The following ACO1 variants were observed in gnomAD, a reference collection of about 807,000 sequenced individuals.
ACO1 encodes the protein aconitase 1.
A neutral mutation model predicts 105.1 loss-of-function variants in ACO1; 78 were observed. That is an observed-to-expected ratio of 0.74 (90% CI 0.62 to 0.90). The LOEUF (loss-of-function observed/expected upper bound fraction) is 0.90. Among genes scored for constraint, ACO1 ranks in the 40% least tolerant of loss-of-function variants. ACO1 has a pLI of 0.00. For missense variants in ACO1, 965 were observed against 1,111.1 expected (o/e 0.87, Z 1.87); for synonymous variants, 364 against 397.4 (o/e 0.92, Z 1.00).
At chr9:32,388,844 C>A (rs1162341435) in intron 1 of ACO1, among the ~76,000 whole-genome samples, 2 of 152,052 alleles carry the variant, frequency 1.3e-5, no homozygotes, top group African/African-American at 4.8e-5. Context: ...ACATAGTAAA[C>A]CTAAAATCCC....
chr9:32,452,386 G>A lies in ACO1; in HGVS notation c.*2275G>A, dbSNP rs540693194. The stretch of plus-strand genomic sequence containing the variant: ...GCCTTTTAAAAGAGACTCAAGATAA[G>A]ATAGAGACCCCCTCATTTCTTCTGC... On this transcript the variant is annotated 3_prime_UTR_variant, in exon 21 of 21. Transcript: ENST00000309951. 1 of 152,336 alleles carries A rather than the reference G, an allele frequency of 6.6e-6. No homozygotes were observed. The highest frequency in any genetic ancestry group is 1.9e-4 in the East Asian group (1 of 5,186). The allele number at this position is 152,336 out of a possible 1,614,324, so 9.4% of individuals were successfully genotyped here. A position where few individuals can be genotyped will look rare whatever the true frequency, so the allele number is the denominator to read the frequency against.
In ACO1 at chr9:32,447,260, G is replaced by A. The variant is rs144939108; in HGVS notation, c.2371-1636G>A. Among the ~76,000 whole-genome samples, 902 of 152,118 alleles carry A rather than the reference G, an allele frequency of 5.9e-3. 10 individuals carry two copies. The highest frequency in any genetic ancestry group is 0.021 in the African/African-American group (872 of 41,494). ...CTCATGTTTCTTGGAGGCTTTCTCT[G>A]TTTCTTTTCACTCTTTTTTCTCTAA... On this transcript the variant is annotated intron_variant, in intron 19 of 20. Coordinates refer to ENST00000309951, the MANE Select transcript of ACO1 (RefSeq NM_002197.3).
intron 8 of ACO1, among the ~76,000 whole-genome samples, chr9:32,421,281 T>C (rs994081407): frequency 6.6e-6 from 1 of 152,200 alleles, no homozygotes; most frequent in Non-Finnish European, 1.5e-5. Flanking sequence ...TACTACTAGT[T>C]TTTTGACATT....
intron 1 of ACO1, among the ~76,000 whole-genome samples, chr9:32,391,468 T>A (rs890775796): frequency 2.0e-5 from 3 of 152,252 alleles, no homozygotes; most frequent in Non-Finnish European, 4.4e-5. Context: ...ATTCCTCATG[T>A]TCTGCTGTTA....
Position 32,450,359 on chromosome 9 carries a change from C to A in ACO1, c.*248C>A. 1 of 550,486 alleles carries A rather than the reference C, an allele frequency of 1.8e-6. No individual in the cohort carries two copies. The highest frequency in any genetic ancestry group is 3.4e-6 in the Non-Finnish European group (1 of 292,414). 34.1% of individuals were successfully genotyped at this position (550,486 alleles called of 1,614,324 possible). On this transcript the variant is annotated 3_prime_UTR_variant, in exon 21 of 21. Coordinates refer to ENST00000309951, the MANE Select transcript of ACO1 (RefSeq NM_002197.3). Reference sequence around the variant, plus strand: ...AGAATGGTGGGAATGTCAGTAGTGCCAGAAAGAGAGAACCAAGCTTGTCTT... The same window carrying A: ...AGAATGGTGGGAATGTCAGTAGTGCAAGAAAGAGAGAACCAAGCTTGTCTT...
chr9:32,415,043 G>C (rs1821819087), intron 4 of ACO1, among the ~76,000 whole-genome samples: 1 of 152,048 alleles, frequency 6.6e-6, no homozygotes, highest in East Asian at 1.9e-4. Context: ...AAGGAGAGAA[G>C]AGCTGAAAAA....
At chr9:32,399,966 G>GTTTTTTTTTTTTTTTTTTTT (rs57615512) in intron 1 of ACO1, among the ~76,000 whole-genome samples, 10 of 69,824 alleles carry the variant, frequency 1.4e-4, no homozygotes, top group Non-Finnish European at 2.5e-4. Context: ...TTCTTTTTCT[G>GTTTTTTTTTTTTTTTTTTTT]TTTTTTTTTT....
chr9:32,387,423 G>T (rs1195813507), intron 1 of ACO1, among the ~76,000 whole-genome samples: 6 of 152,118 alleles, frequency 3.9e-5, no homozygotes, highest in African/African-American at 1.4e-4. Flanking sequence ...ATGGAAATTG[G>T]CAAATGCTAC....
chr9:32,449,157 AT>A, intron 20 of ACO1, 76 bp downstream of exon 20: 1 of 1,449,260 alleles, frequency 6.9e-7, no homozygotes, highest in Non-Finnish European at 9.2e-7. Context: ...TTAGAAGGAA[AT>A]TAGTGAGGTT....
intron 1 of ACO1, among the ~76,000 whole-genome samples, chr9:32,388,571 A>G (rs148022851): frequency 1.4e-3 from 220 of 152,284 alleles, no homozygotes; most frequent in African/African-American, 4.9e-3. Flanking sequence ...GATACATTGT[A>G]GAGTACACTG....
chr9:32,440,005 G>A (rs1456415492), intron 18 of ACO1, among the ~76,000 whole-genome samples: 7 of 152,276 alleles, frequency 4.6e-5, no homozygotes, highest in Admixed American at 3.3e-4. Flanking sequence ...AGTGGCTTAC[G>A]CCTGTAATCC....
At chr9:32,447,259 T>C (rs59775792) in intron 19 of ACO1, among the ~76,000 whole-genome samples, 6,746 of 152,278 alleles carry the variant, frequency 0.044, 471 homozygotes, top group African/African-American at 0.15. Flanking sequence ...AGGCTTTCTC[T>C]GTTTCTTTTC....
chr9:32,433,685 G>A lies in ACO1; in HGVS notation c.1852-43G>A, dbSNP rs767861786. On this transcript the variant is annotated intron_variant, in intron 15 of 20. Transcript: ENST00000309951. ...TGTGTTTGCATATTAAATTTTCTCT[G>A]GAATGGGATGTGATTAGATCTGCCT... 1.3e-5 allele frequency: 19 copies of A among 1,451,302 alleles called. No individual in the cohort carries two copies. The Admixed American group carries it at 3.8e-4, about 29-fold the overall frequency. 89.9% of individuals were successfully genotyped at this position (1,451,302 alleles called of 1,614,324 possible).
intron 9 of ACO1, 77 bp downstream of exon 9, chr9:32,423,496 G>A (rs1822022035): frequency 5.1e-6 from 5 of 979,438 alleles, no homozygotes; most frequent in Non-Finnish European, 7.9e-6. Context: ...TTTCTTGGGG[G>A]AATGCGCTAG....
chr9:32,444,816 T>C (rs1396520792), intron 19 of ACO1, among the ~76,000 whole-genome samples: 1 of 152,230 alleles, frequency 6.6e-6, no homozygotes, highest in Non-Finnish European at 1.5e-5. Context: ...TGAGAGTTTT[T>C]AACATGAAGG....
In ACO1 at chr9:32,420,814, G is replaced by A. The variant is rs200622166; in HGVS notation, c.799-42G>A. 124 of 1,593,848 alleles carry A rather than the reference G, an allele frequency of 7.8e-5. No homozygotes were observed. In the Admixed American group the frequency reaches 1.5e-3, roughly 20 times the overall value. The stretch of plus-strand genomic sequence containing the variant: ...ATGGTAGTTCTGCATTTTGAATGTG[G>A]GCCATCAGATCTCAAACTTTTCTGT... On this transcript the variant is annotated intron_variant, in intron 7 of 20. Coordinates refer to ENST00000309951, the MANE Select transcript of ACO1 (RefSeq NM_002197.3).
chr9:32,434,980 C>T (rs978664535), intron 17 of ACO1, among the ~76,000 whole-genome samples: 3 of 152,166 alleles, frequency 2.0e-5, no homozygotes, highest in Admixed American at 2.0e-4. Flanking sequence ...CTGCCCCCGG[C>T]TTGGCTGATC....
intron 4 of ACO1, among the ~76,000 whole-genome samples, chr9:32,411,258 G>A (rs1821732901): frequency 6.6e-6 from 1 of 152,170 alleles, no homozygotes; most frequent in Non-Finnish European, 1.5e-5. Context: ...TAACCTAGAA[G>A]TATGACTACC....
At chr9:32,432,266 C>T (rs893949384) in intron 15 of ACO1, among the ~76,000 whole-genome samples, 1 of 152,210 alleles carries the variant, frequency 6.6e-6, no homozygotes, top group Admixed American at 6.5e-5. Flanking sequence ...TAAGGCCACT[C>T]AGTAGGAAGT....
Sources: allele counts gnomAD v4.1 joint callset (sites outside exome capture counted in the v4.1 genomes callset), GRCh38; gene constraint gnomAD v4.1.1; transcripts MANE v1.5; gene names NCBI Gene and HGNC (gene_info 2026-07-23, HGNC 2026-07-21).